Variants in NRG3 observed in about 807,000 individuals in gnomAD.
NRG3 encodes neuregulin 3, also known as pro-neuregulin-3, membrane-bound isoform.
NRG3 carries 31 observed loss-of-function variants against 66.9 expected under a neutral mutation model. The observed-to-expected ratio is 0.46, with a 90% CI of 0.35 to 0.63. NRG3 has a LOEUF of 0.63. NRG3 is among the 20% of genes least tolerant of loss of function. NRG3 has a pLI of 0.00. For missense variants in NRG3, 910 were observed against 878.9 expected (o/e 1.04, Z -0.45); for synonymous variants, 393 against 359.4 (o/e 1.09, Z -1.06).
At chr10:82,461,225 A>ACC (rs1491237143) in intron 2 of NRG3, among the ~76,000 whole-genome samples, 57 of 149,690 alleles carry the variant, frequency 3.8e-4, no homozygotes, top group African/African-American at 1.4e-3. Flanking sequence ...TACCACCATC[A>ACC]ACACCACCAC....
rs1841514301 is a variant in NRG3, at chr10:81,875,250, G to GGAGCCC, written c.-89_-84dup. 6 of 812,012 alleles carry GGAGCCC rather than the reference G, an allele frequency of 7.4e-6. No homozygotes were observed. Among genetic ancestry groups the GGAGCCC allele is most frequent in the Non-Finnish European group, 8.9e-6 (6 of 675,052 alleles). 50.3% of individuals were successfully genotyped at this position (812,012 alleles called of 1,614,324 possible). On this transcript the variant is annotated 5_prime_UTR_variant, in exon 1 of 9. Transcript: ENST00000372141. This position sits in a 1 kb window ranked among gnomAD's most constrained non-coding sequence, Gnocchi z 5.3. ...TGCGCCCGAGCCCGCCGCCGCCGCC[G>GGAGCCC]GAGCCCGCGCCCGCGCCCGCGCCCG...
At position 81,876,201 on chromosome 10, in the gene NRG3, G is replaced by C. The variant is rs761345243; in HGVS notation, c.823+38G>C. 5 of 1,534,972 alleles carry C rather than the reference G, an allele frequency of 3.3e-6. No individual in the cohort carries two copies. The East Asian group carries it at 1.2e-4, about 38-fold the overall frequency. ...TGTGTCTCAACTATGATTTACTACT[G>C]AGTTTCCCTTCTGCCCTCCTGCTGT... On this transcript the variant is annotated intron_variant, in intron 1 of 8. Transcript: ENST00000372141.
chr10:82,720,810 C>CATATACATATATACATAT (rs571675177), intron 2 of NRG3, among the ~76,000 whole-genome samples: 1 of 114,740 alleles, frequency 8.7e-6, no homozygotes, highest in African/African-American at 4.4e-5. Context: ...GTATTTTATA[C>CATATACATATATACATAT]ATATATATAT....
Position 82,805,035 on chromosome 10 carries a change from C to T in NRG3, c.1028-60376C>T, listed in dbSNP as rs150049676. Among the ~76,000 whole-genome samples, 626 of 152,320 alleles carry T rather than the reference C, an allele frequency of 4.1e-3. 4 individuals are homozygous for T. Among genetic ancestry groups the T allele is most frequent in the Non-Finnish European group, 7.3e-3 (495 of 68,036 alleles). On this transcript the variant is annotated intron_variant, in intron 3 of 8. Transcript: ENST00000372141. The stretch of plus-strand genomic sequence containing the variant: ...TAATTTTCATCAGCTTTTCTTAGAA[C>T]TCATTTTTAGTCAGTGCTATTCAAA...
chr10:82,966,833 A>G (rs1592118708), intron 6 of NRG3, among the ~76,000 whole-genome samples: 1 of 152,146 alleles, frequency 6.6e-6, no homozygotes, highest in Non-Finnish European at 1.5e-5. Context: ...TTACGTTCTC[A>G]TCAGTTTTTT....
At chr10:82,945,827 CA>C (rs1161195397) in intron 4 of NRG3, among the ~76,000 whole-genome samples, 1 of 152,154 alleles carries the variant, frequency 6.6e-6, no homozygotes, top group Non-Finnish European at 1.5e-5. Context: ...GAAACCATAG[CA>C]GCTCCAAATG....
Position 81,933,078 on chromosome 10 carries a change from A to G in NRG3, c.823+56915A>G, listed in dbSNP as rs187028100. Among the ~76,000 whole-genome samples, 322 of 150,344 alleles carry G rather than the reference A, an allele frequency of 2.1e-3. 1 individual carries two copies. The highest frequency in any genetic ancestry group is 7.4e-3 in the African/African-American group (302 of 40,750). On this transcript the variant is annotated intron_variant, in intron 1 of 8. Transcript: ENST00000372141. The stretch of plus-strand genomic sequence containing the variant: ...AGCTGAGATCGTGCCACTGCACTCC[A>G]GCCTGGGCAACAGAGCAACGCTCCA...
intron 3 of NRG3, among the ~76,000 whole-genome samples, chr10:82,821,886 A>T (rs556540889): frequency 6.6e-6 from 1 of 152,266 alleles, no homozygotes; most frequent in Non-Finnish European, 1.5e-5. Context: ...TTTGATCTAA[A>T]CAATTACTCT....
chr10:82,276,509 G>A (rs565762747), intron 1 of NRG3, among the ~76,000 whole-genome samples: 1 of 152,086 alleles, frequency 6.6e-6, no homozygotes, highest in South Asian at 2.1e-4. Context: ...AACAGACCAG[G>A]TTAACCTGAT....
intron 2 of NRG3, among the ~76,000 whole-genome samples, chr10:82,705,011 G>C (rs748244111): frequency 6.6e-5 from 10 of 152,120 alleles, no homozygotes; most frequent in African/African-American, 9.7e-5. Context: ...AAAATAAATT[G>C]ATAATAGTGT....
chr10:82,844,370 G>T (rs1005590027), intron 3 of NRG3, among the ~76,000 whole-genome samples: 1 of 152,198 alleles, frequency 6.6e-6, no homozygotes. Flanking sequence ...CAGTGCTGGG[G>T]AAAGGGCTAA....
At chr10:82,244,677 C>A (rs2077154575) in intron 1 of NRG3, among the ~76,000 whole-genome samples, 1 of 151,598 alleles carries the variant, frequency 6.6e-6, no homozygotes, top group Non-Finnish European at 1.5e-5. Flanking sequence ...TTTCACAGGC[C>A]AGGGGGTACT....
chr10:82,612,403 C>T (rs1162869835), intron 2 of NRG3, among the ~76,000 whole-genome samples: 2 of 152,000 alleles, frequency 1.3e-5, no homozygotes, highest in Non-Finnish European at 2.9e-5. Context: ...ATAGCAAGAT[C>T]CAGTAAAAAT....
At chr10:82,179,877 A>G (rs781500151) in intron 1 of NRG3, among the ~76,000 whole-genome samples, 7 of 151,940 alleles carry the variant, frequency 4.6e-5, no homozygotes, top group Non-Finnish European at 7.4e-5. Flanking sequence ...GAAAAGTAGA[A>G]TGTATTTCCA....
chr10:82,019,811 A>G (rs1234618049), intron 1 of NRG3, among the ~76,000 whole-genome samples: 1 of 151,794 alleles, frequency 6.6e-6, no homozygotes, highest in Non-Finnish European at 1.5e-5. Flanking sequence ...TATTGTGTCT[A>G]TTTGATTCTT....
At chr10:82,398,131 G>A (rs569430551) in intron 2 of NRG3, among the ~76,000 whole-genome samples, 2 of 152,050 alleles carry the variant, frequency 1.3e-5, no homozygotes, top group Non-Finnish European at 2.9e-5. Flanking sequence ...TGCAGGGCTC[G>A]CTGGAGTGGC....
At chr10:82,279,023 G>T (rs2134414313) in intron 1 of NRG3, among the ~76,000 whole-genome samples, 1 of 152,222 alleles carries the variant, frequency 6.6e-6, no homozygotes, top group East Asian at 1.9e-4. Flanking sequence ...TTCAACGTTT[G>T]CTTCCTCATG....
intron 1 of NRG3, among the ~76,000 whole-genome samples, chr10:82,201,643 A>G (rs892631523): frequency 2.0e-5 from 3 of 152,114 alleles, no homozygotes; most frequent in African/African-American, 7.2e-5. Context: ...GAAACTGGTA[A>G]AGGGGGTATC....
At chr10:82,170,997 T>C (rs1298248605) in intron 1 of NRG3, among the ~76,000 whole-genome samples, 1 of 151,852 alleles carries the variant, frequency 6.6e-6, no homozygotes, top group Non-Finnish European at 1.5e-5. Flanking sequence ...TTTGTCTTCA[T>C]GTGAAGGAGC....
Sources: gnomAD v4.1 joint callset for allele counts (sites outside exome capture counted in the v4.1 genomes callset) on GRCh38, gnomAD v4.1.1 for gene constraint, Gnocchi (gnomAD v3.1) non-coding constraint, MANE v1.5 for transcripts, NCBI Gene and HGNC (gene_info 2026-07-23, HGNC 2026-07-21) for gene names.